Variants in CELF2 observed in about 807,000 individuals in gnomAD.
The protein encoded by CELF2 is CUG triplet repeat RNA-binding protein 2.
Under a neutral mutation model 62.6 loss-of-function variants are expected in CELF2, and 8 were observed. The ratio of observed to expected loss-of-function variants is 0.13; its 90% confidence interval spans 0.07 to 0.23. The LOEUF (loss-of-function observed/expected upper bound fraction) is 0.23. Ranked by LOEUF, CELF2 falls within the 10% of genes least tolerant of loss-of-function variation. The probability of loss-of-function intolerance (pLI) is 1.00; values close to 1 mark genes in which losing one functional copy is unlikely to be tolerated. For synonymous variants in CELF2, 258 were observed against 250.0 expected, an observed-to-expected ratio of 1.03 and a Z score of -0.30; for missense variants, 333 against 671.0, an observed-to-expected ratio of 0.50 and a Z score of 5.56.
In CELF2 at chr10:11,331,612, AAAAC is replaced by A. The variant is rs948220210; in HGVS notation, c.*2563_*2566del. ...TATAAATCCCTAATATTTAAAAAAA[AAAAC>A]AAAACAAAAAAAGGTTACAAAGTTT... is the stretch of plus-strand genomic sequence containing the variant. On this transcript the variant is annotated 3_prime_UTR_variant, in exon 13 of 13. Transcript: ENST00000633077. 1.6e-4 allele frequency: 24 copies of A among 152,478 alleles called. No homozygotes were observed. Among genetic ancestry groups the A allele is most frequent in the African/African-American group, 3.4e-4 (14 of 41,520 alleles). The allele number at this position is 152,478 out of a possible 1,614,324, so 9.4% of individuals were successfully genotyped here. A position where few individuals can be genotyped will look rare whatever the true frequency, so the allele number is the denominator to read the frequency against.
chr10:10,562,619 A>G, the CELF2 span, among the ~76,000 whole-genome samples: 3 of 152,190 alleles, frequency 2.0e-5, no homozygotes, highest in Non-Finnish European at 4.4e-5. Flanking sequence ...CTTGGAAAAC[A>G]GGAATGAGGG....
chr10:10,637,588 A>G, the CELF2 span, among the ~76,000 whole-genome samples: 1 of 152,202 alleles, frequency 6.6e-6, no homozygotes, highest in Non-Finnish European at 1.5e-5. Flanking sequence ...CTGATATGTC[A>G]TCACTTCCAT....
At chr10:11,034,791 T>A (rs1198562300) in intron 1 of CELF2, among the ~76,000 whole-genome samples, 3 of 152,194 alleles carry the variant, frequency 2.0e-5, no homozygotes, top group Admixed American at 6.5e-5. Flanking sequence ...CCTGTCCTTT[T>A]GCTCCCTAAA....
At chr10:10,974,594 A>G (rs984187881) in intron 2 of CELF2, among the ~76,000 whole-genome samples, 2 of 152,226 alleles carry the variant, frequency 1.3e-5, no homozygotes, top group African/African-American at 4.8e-5. Flanking sequence ...TCAGGTTTTA[A>G]ACAGCCTAGG....
At chr10:10,462,615 C>CTTTTTTTTTTTTTTTTTTTTT in the CELF2 span, among the ~76,000 whole-genome samples, 36 of 69,418 alleles carry the variant, frequency 5.2e-4, no homozygotes, top group Admixed American at 8.5e-4. Flanking sequence ...TTTTTTTCAT[C>CTTTTTTTTTTTTTTTTTTTTT]TTTTTTTTTT....
At chr10:10,951,392 C>T (rs1356730201) in intron 2 of CELF2, among the ~76,000 whole-genome samples, 1 of 152,168 alleles carries the variant, frequency 6.6e-6, no homozygotes, top group Non-Finnish European at 1.5e-5. Flanking sequence ...CTGCTTTGGC[C>T]TCCTGGAGCA....
At chr10:10,754,061 G>GGTTTTTTTTTTT in the CELF2 span, among the ~76,000 whole-genome samples, 5 of 85,052 alleles carry the variant, frequency 5.9e-5, no homozygotes, top group East Asian at 4.9e-4. Context: ...TGCTGAGGTG[G>GGTTTTTTTTTTT]TTTTTTTTTT....
At chr10:11,127,065 C>A (rs961071432) in intron 1 of CELF2, among the ~76,000 whole-genome samples, 1 of 152,040 alleles carries the variant, frequency 6.6e-6, no homozygotes, top group Non-Finnish European at 1.5e-5. Flanking sequence ...CCTCATGACA[C>A]GCCCCACTAT....
the CELF2 span, among the ~76,000 whole-genome samples, chr10:10,498,979 C>A: frequency 6.6e-6 from 1 of 151,830 alleles, no homozygotes; most frequent in Non-Finnish European, 1.5e-5. Context: ...TGGGAGAAGT[C>A]AAAGAGAGTC....
chr10:10,479,173 T>C, the CELF2 span, among the ~76,000 whole-genome samples: 2 of 152,136 alleles, frequency 1.3e-5, no homozygotes. Flanking sequence ...AACTAATTTT[T>C]TTTGTTGTTT....
the CELF2 span, among the ~76,000 whole-genome samples, chr10:10,570,343 CAG>C: frequency 0.16 from 24,397 of 152,090 alleles, 2,264 homozygotes; most frequent in East Asian, 0.25. Context: ...AAGTGAGAGA[CAG>C]AGAAAACAGA....
At position 11,260,534 on chromosome 10, in the gene CELF2, C is replaced by A. The variant is rs981959775; in HGVS notation, c.538+2662C>A. 1.3e-5 allele frequency among the ~76,000 whole-genome samples: 2 copies of A among 152,318 alleles called. No individual in the cohort carries two copies. The highest frequency in any genetic ancestry group is 3.9e-4 in the East Asian group (2 of 5,188). On this transcript the variant is annotated intron_variant, in intron 5 of 12. Transcript: ENST00000633077. The surrounding 1 kb of genome is among the most constrained non-coding windows in gnomAD (Gnocchi z 4.2). ...ATCTGCCATTTGGTTGATTAACCAGCACTTGACACCAGAAGCAGCCTGTTC... is the reference window on the plus strand; with the variant it reads ...ATCTGCCATTTGGTTGATTAACCAGAACTTGACACCAGAAGCAGCCTGTTC...
chr10:11,275,458 T>G (rs556106386), intron 8 of CELF2, among the ~76,000 whole-genome samples: 1 of 152,302 alleles, frequency 6.6e-6, no homozygotes, highest in East Asian at 1.9e-4. Flanking sequence ...TCCATCCAGA[T>G]TCCTATATCT....
At chr10:10,684,955 T>C in the CELF2 span, among the ~76,000 whole-genome samples, 176 of 152,140 alleles carry the variant, frequency 1.2e-3, 1 homozygote, top group African/African-American at 4.2e-3. Flanking sequence ...ATTTCCCATA[T>C]CTCAGTGGAT....
rs114114167 is a variant in CELF2 at position 11,138,518 on chromosome 10, C to T, written c.75-26968C>T. On this transcript the variant is annotated intron_variant, in intron 1 of 12. Transcript: ENST00000633077. ...TATTCATTCTGTGTTTACACACCGACAGCTATGACACACACAGGATCGGGA... is the reference window on the plus strand; with the variant it reads ...TATTCATTCTGTGTTTACACACCGATAGCTATGACACACACAGGATCGGGA... Among the ~76,000 whole-genome samples the T allele has an allele frequency of 6.9e-3, 1,056 of 152,300 alleles. 15 individuals carry two copies. The highest frequency in any genetic ancestry group is 0.024 in the African/African-American group (1,001 of 41,540).
rs1343152696 is a variant in CELF2, at chr10:11,223,067, G to C, written c.354+5560G>C. Among the ~76,000 whole-genome samples the C allele has an allele frequency of 4.6e-5, 7 of 152,194 alleles. No homozygotes were observed. The highest frequency in any genetic ancestry group is 8.8e-5 in the Non-Finnish European group (6 of 68,024). On this transcript the variant is annotated intron_variant, in intron 3 of 12. Coordinates refer to ENST00000633077, the MANE Select transcript of CELF2 (RefSeq NM_001326342.2). The surrounding 1 kb of genome is among the most constrained non-coding windows in gnomAD (Gnocchi z 5.1). The stretch of plus-strand genomic sequence containing the variant: ...TTTGTAGCGAACTTTCTTATTTGAG[G>C]CTTCACCAACGATCTCAGTTCCTTG...
chr10:10,915,342 G>C (rs978463647), intron 1 of CELF2, among the ~76,000 whole-genome samples: 1 of 152,136 alleles, frequency 6.6e-6, no homozygotes, highest in Non-Finnish European at 1.5e-5. Context: ...TAAGTGTTTG[G>C]TGTGTGCCAG....
At chr10:11,174,974 G>A (rs962146784) in intron 2 of CELF2, among the ~76,000 whole-genome samples, 2 of 152,108 alleles carry the variant, frequency 1.3e-5, no homozygotes, top group East Asian at 1.9e-4. Context: ...TCTGTGTAGG[G>A]GATGCCTTAG....
chr10:10,560,243 C>T, the CELF2 span, among the ~76,000 whole-genome samples: 1 of 151,998 alleles, frequency 6.6e-6, no homozygotes, highest in African/African-American at 2.4e-5. Context: ...TTTTCTTTCC[C>T]AAAAGGAAAT....
Sources: allele counts gnomAD v4.1 joint callset (sites outside exome capture counted in the v4.1 genomes callset), GRCh38; gene constraint gnomAD v4.1.1; non-coding constraint Gnocchi (gnomAD v3.1); transcripts MANE v1.5; gene names NCBI Gene and HGNC (gene_info 2026-07-23, HGNC 2026-07-21).